ACVR2B: variants seen among roughly 807,000 people sequenced by gnomAD.
ACVR2B encodes the protein activin receptor type-2B.
ACVR2B carries 18 observed loss-of-function variants against 65.1 expected under a neutral mutation model. The observed-to-expected ratio is 0.28, with a 90% CI of 0.19 to 0.41. ACVR2B has a LOEUF of 0.41. Ranked by LOEUF, ACVR2B falls within the 10% of genes least tolerant of loss-of-function variation. The pLI, the probability that ACVR2B is intolerant of heterozygous loss-of-function variation, is 1.00. For synonymous variants in ACVR2B, 298 were observed against 277.7 expected, an observed-to-expected ratio of 1.07 and a Z score of -0.73; for missense variants, 482 against 682.7, an observed-to-expected ratio of 0.71 and a Z score of 3.28.
In ACVR2B at chr3:38,477,399, G is replaced by C; in HGVS notation, c.165G>C (p.Lys55Asn). 2 of 1,614,172 alleles carry C rather than the reference G, an allele frequency of 1.2e-6. No homozygotes were observed. Among genetic ancestry groups the C allele is most frequent in the Non-Finnish European group, 1.7e-6 (2 of 1,180,014 alleles). The change falls in exon 2 of 11, where the codon AAG becomes AAC. Residue 55 changes from lysine (K) to asparagine (N), a missense_variant. By Grantham distance (94) the Lys-to-Asn change is moderately conservative. Transcript: ENST00000352511. The surrounding 1 kb of genome is among the most constrained non-coding windows in gnomAD (Gnocchi z 6.7). ...AGCGCTGCGAAGGCGAGCAGGACAA[G>C]CGGCTGCACTGCTACGCCTCCTGGC... The part of the protein sequence containing the change: ...GLERCEGEQD[K>N]RLHCYASWRN...
chr3:38,479,599 A>G, intron 6 of ACVR2B, 79 bp from the exon 7 acceptor site: 1 of 1,550,302 alleles, frequency 6.5e-7, no homozygotes. Flanking sequence ...TGGCCCACTG[A>G]GACTTCTCTG....
At chr3:38,466,589 C>T (rs143156685) in intron 1 of ACVR2B, among the ~76,000 whole-genome samples, 3,839 of 151,542 alleles carry the variant, frequency 0.025, 173 homozygotes, top group African/African-American at 0.086. Context: ...CTGCAACCTC[C>T]GCCTCCCGGG....
At chr3:38,478,824 T>A (rs1575588122) in intron 5 of ACVR2B, among the ~76,000 whole-genome samples, 1 of 152,216 alleles carries the variant, frequency 6.6e-6, no homozygotes, top group East Asian at 1.9e-4. Context: ...CTGCCTCATT[T>A]GTTGGGTGAT....
chr3:38,469,443 A>G lies in ACVR2B; in HGVS notation c.53-7844A>G, dbSNP rs1233277210. Reference sequence around the variant, plus strand: ...CTTCTGTTGTGTTATACCTTCAGTAAAAATGTGGGCCAGAAGAAACATGTC... The same window carrying G: ...CTTCTGTTGTGTTATACCTTCAGTAGAAATGTGGGCCAGAAGAAACATGTC... On this transcript the variant is annotated intron_variant, in intron 1 of 10. Coordinates refer to ENST00000352511, the MANE Select transcript of ACVR2B (RefSeq NM_001106.4). Among the ~76,000 whole-genome samples, 35 of 152,188 alleles carry G rather than the reference A, an allele frequency of 2.3e-4. 1 individual carries two copies. The highest frequency in any genetic ancestry group is 2.3e-3 in the Admixed American group (35 of 15,286).
Position 38,488,299 on chromosome 3 carries a change from TTAAG to T in ACVR2B, c.*4972_*4975del, listed in dbSNP as rs1193962123. 3 of 152,236 alleles carry T rather than the reference TTAAG, an allele frequency of 2.0e-5. No homozygotes were observed. Among genetic ancestry groups the T allele is most frequent in the African/African-American group, 7.2e-5 (3 of 41,468 alleles). 9.4% of individuals were successfully genotyped at this position (152,236 alleles called of 1,614,324 possible). On this transcript the variant is annotated 3_prime_UTR_variant, in exon 11 of 11. Coordinates refer to ENST00000352511, the MANE Select transcript of ACVR2B (RefSeq NM_001106.4). Reference sequence around the variant, plus strand: ...AATTCAGGGTTATAAGCATAGTTCTTTAAGTAAGATTCCAGATAGTTGATTTGCA... The same window carrying T: ...AATTCAGGGTTATAAGCATAGTTCTTTAAGATTCCAGATAGTTGATTTGCA...
intron 1 of ACVR2B, among the ~76,000 whole-genome samples, chr3:38,472,358 G>T (rs2125718901): frequency 6.6e-6 from 1 of 152,304 alleles, no homozygotes; most frequent in African/African-American, 2.4e-5. Flanking sequence ...GGTGCTGTCT[G>T]TGGGGAGAGC....
At chr3:38,465,297 G>A (rs2125715227) in intron 1 of ACVR2B, among the ~76,000 whole-genome samples, 1 of 151,540 alleles carries the variant, frequency 6.6e-6, no homozygotes, top group South Asian at 2.1e-4. Flanking sequence ...TACTTGGGGG[G>A]CTGAGGCAGG....
At chr3:38,469,765 A>C (rs1342422391) in intron 1 of ACVR2B, among the ~76,000 whole-genome samples, 2 of 152,222 alleles carry the variant, frequency 1.3e-5, no homozygotes, top group Non-Finnish European at 2.9e-5. Flanking sequence ...CAGTATTCAA[A>C]ATTCTAAAAC....
intron 1 of ACVR2B, among the ~76,000 whole-genome samples, chr3:38,466,794 C>T (rs1325591017): frequency 2.6e-5 from 4 of 152,152 alleles, no homozygotes; most frequent in African/African-American, 4.8e-5. Flanking sequence ...TGAGCCACCA[C>T]GCCCGGCCTA....
Position 38,483,488 on chromosome 3 carries a change from A to G in ACVR2B, c.*156A>G, listed in dbSNP as rs1710057283. On this transcript the variant is annotated 3_prime_UTR_variant, in exon 11 of 11. Coordinates refer to ENST00000352511, the MANE Select transcript of ACVR2B (RefSeq NM_001106.4). The surrounding 1 kb of genome is among the most constrained non-coding windows in gnomAD (Gnocchi z 4.8). The stretch of plus-strand genomic sequence containing the variant: ...TTATTATTATTATTATAATTATTAT[A>G]ATTATTATTATTAATATTATTTTTT... The G allele has an allele frequency of 1.7e-5, 5 of 299,958 alleles. No homozygotes were observed. Among genetic ancestry groups the G allele is most frequent in the Non-Finnish European group, 2.8e-5 (5 of 179,142 alleles). 18.6% of individuals were successfully genotyped at this position (299,958 alleles called of 1,614,324 possible).
chr3:38,474,906 C>T (rs1311131396), intron 1 of ACVR2B: 1 of 152,254 alleles, frequency 6.6e-6, no homozygotes, highest in Non-Finnish European at 1.5e-5. Context: ...AGAAGCCAAA[C>T]ACATTCAAGG....
At position 38,459,493 on chromosome 3, in the gene ACVR2B, T is replaced by G. The variant is rs1456004040; in HGVS notation, c.52+5119T>G. The G allele has an allele frequency of 5.8e-6, 4 of 692,110 alleles. No individual in the cohort carries two copies. The African/African-American group carries it at 7.8e-5, about 13-fold the overall frequency. 42.9% of individuals were successfully genotyped at this position (692,110 alleles called of 1,614,324 possible). ...GACTCTCTGCCTGCCCAGCAGCCCC[T>G]CTCTGCTCACCTGGGGGCCTCAGGA... On this transcript the variant is annotated intron_variant, in intron 1 of 10. Coordinates refer to ENST00000352511, the MANE Select transcript of ACVR2B (RefSeq NM_001106.4).
chr3:38,469,910 G>C (rs1263040877), intron 1 of ACVR2B, among the ~76,000 whole-genome samples: 1 of 151,998 alleles, frequency 6.6e-6, no homozygotes. Flanking sequence ...AATTGACCAG[G>C]AAGTTTTTTT....
chr3:38,468,487 T>C (rs1182753387), intron 1 of ACVR2B, among the ~76,000 whole-genome samples: 1 of 152,226 alleles, frequency 6.6e-6, no homozygotes, highest in Non-Finnish European at 1.5e-5. Context: ...GAAGAGGCTC[T>C]CTGTTCATTT....
intron 1 of ACVR2B, chr3:38,459,643 C>G (rs1416794711): frequency 1.0e-6 from 1 of 985,394 alleles, no homozygotes; most frequent in African/African-American, 1.7e-5. Context: ...GGGCCTGGAG[C>G]CCCCAGGCCG....
intron 1 of ACVR2B, among the ~76,000 whole-genome samples, chr3:38,470,550 G>A (rs1159263828): frequency 1.3e-5 from 2 of 152,130 alleles, no homozygotes; most frequent in Non-Finnish European, 2.9e-5. Flanking sequence ...TTTTTTTTCA[G>A]TAAGGACAGT....
Position 38,478,287 on chromosome 3 carries a change from C to T in ACVR2B, c.517C>T (p.His173Tyr). The stretch of plus-strand genomic sequence containing the variant: ...GCCCCCCTACGGTCATGTGGACATC[C>T]ATGAGGTGAGACAGTGCTGGCTTGG... Reference protein sequence around the residue: ...RKPPYGHVDIHEDPGPPPPSP... With the variant: ...RKPPYGHVDIYEDPGPPPPSP... Residue 173 changes from histidine (H) to tyrosine (Y), a missense_variant, in exon 4 of 11, where the codon CAT (histidine) becomes TAT (tyrosine). His to Tyr is a moderately conservative substitution (Grantham distance 83). This residue lies in a region of ACVR2B where 95 missense variants were observed against 91.6 expected (regional missense o/e 1.04). Coordinates refer to ENST00000352511, the MANE Select transcript of ACVR2B (RefSeq NM_001106.4). The T allele has an allele frequency of 6.2e-7, 1 of 1,614,024 alleles. No homozygotes were observed. The highest frequency in any genetic ancestry group is 8.5e-7 in the Non-Finnish European group (1 of 1,180,004).
intron 1 of ACVR2B, among the ~76,000 whole-genome samples, chr3:38,471,512 CGCACACACACAA>C (rs1490394742): frequency 1.3e-5 from 2 of 152,182 alleles, no homozygotes; most frequent in Non-Finnish European, 2.9e-5. Flanking sequence ...CACACACACA[CGCACACACACAA>C]ATGTAAAAAA....
At position 38,485,317 on chromosome 3, in the gene ACVR2B, C is replaced by T. The variant is rs1216003569; in HGVS notation, c.*1985C>T. ...GGTGATTTTACTTGGGATTTAACTTCTTCAGCAAATTAACAGCAACGTTGG... is the reference window on the plus strand; with the variant it reads ...GGTGATTTTACTTGGGATTTAACTTTTTCAGCAAATTAACAGCAACGTTGG... On this transcript the variant is annotated 3_prime_UTR_variant, in exon 11 of 11. Transcript: ENST00000352511. 2 of 152,252 alleles carry T rather than the reference C, an allele frequency of 1.3e-5. No individual in the cohort carries two copies. Among genetic ancestry groups the T allele is most frequent in the African/African-American group, 4.8e-5 (2 of 41,460 alleles). 9.4% of individuals were successfully genotyped at this position (152,252 alleles called of 1,614,324 possible).
Sources: allele counts gnomAD v4.1 joint callset (sites outside exome capture counted in the v4.1 genomes callset), GRCh38; gene constraint gnomAD v4.1.1; regional missense constraint gnomAD v4.1.1; non-coding constraint Gnocchi (gnomAD v3.1); transcripts MANE v1.5; gene names NCBI Gene and HGNC (gene_info 2026-07-23, HGNC 2026-07-21).